ARHGEF28: variants seen among roughly 807,000 people sequenced by gnomAD.
The protein encoded by ARHGEF28 is Rho guanine nucleotide exchange factor 28.
ARHGEF28 carries 152 observed loss-of-function variants against 206.6 expected under a neutral mutation model. The ratio of observed to expected loss-of-function variants is 0.74; its 90% CI spans 0.64 to 0.84. The LOEUF (loss-of-function observed/expected upper bound fraction) is 0.84. ARHGEF28 is among the 40% of genes least tolerant of loss of function. The pLI is 0.00. For missense variants in ARHGEF28, 2,028 were observed against 2,073.2 expected (o/e 0.98, Z 0.42); for synonymous variants, 763 against 776.4 (o/e 0.98, Z 0.29).
At chr5:73,927,713 G>A (rs764526959) in intron 35 of ARHGEF28, among the ~76,000 whole-genome samples, 1 of 152,062 alleles carries the variant, frequency 6.6e-6, no homozygotes, top group Non-Finnish European at 1.5e-5. Context: ...TTTTTCTTCT[G>A]TTTTACAAAC....
intron 9 of ARHGEF28, chr5:73,803,163 A>C (rs749086193): frequency 2.6e-5 from 4 of 153,504 alleles, no homozygotes; most frequent in Non-Finnish European, 2.9e-5. Flanking sequence ...AACATCACCA[A>C]ATAATTGATT....
intron 2 of ARHGEF28, among the ~76,000 whole-genome samples, chr5:73,697,543 G>T (rs1434582401): frequency 6.6e-6 from 1 of 152,132 alleles, no homozygotes; most frequent in Non-Finnish European, 1.5e-5. Context: ...CACCTGAGGG[G>T]CTGAGTGTGC....
At chr5:73,866,308 C>T (rs1013275221) in intron 18 of ARHGEF28, among the ~76,000 whole-genome samples, 1 of 152,312 alleles carries the variant, frequency 6.6e-6, no homozygotes, top group African/African-American at 2.4e-5. Context: ...GTGGAATATG[C>T]TCTGCTGATG....
chr5:73,894,268 T>A, intron 28 of ARHGEF28, 125 bp from the exon 29 acceptor site: 1 of 959,432 alleles, frequency 1.0e-6, no homozygotes, highest in Non-Finnish European at 1.5e-6. Flanking sequence ...GCCCCACTCA[T>A]CAACCTGGGT....
intron 2 of ARHGEF28, among the ~76,000 whole-genome samples, chr5:73,689,214 C>T (rs1747664423): frequency 6.6e-6 from 1 of 152,130 alleles, no homozygotes. Flanking sequence ...GGCTCTGTCT[C>T]TTGTGCTGTA....
At chr5:73,725,247 T>A (rs1197179334) in intron 2 of ARHGEF28, among the ~76,000 whole-genome samples, 1 of 152,338 alleles carries the variant, frequency 6.6e-6, no homozygotes, top group South Asian at 2.1e-4. Context: ...CATGGCAGAC[T>A]GATAGAGGAG....
intron 1 of ARHGEF28, among the ~76,000 whole-genome samples, chr5:73,643,604 C>A (rs1383843095): frequency 6.6e-6 from 1 of 152,104 alleles, no homozygotes; most frequent in Non-Finnish European, 1.5e-5. Flanking sequence ...CGCTTGAACA[C>A]AGGAGTTCGA....
intron 35 of ARHGEF28, among the ~76,000 whole-genome samples, chr5:73,933,552 T>C (rs552434299): frequency 1.3e-5 from 2 of 152,344 alleles, no homozygotes; most frequent in East Asian, 3.9e-4. Context: ...AGCTAGACTG[T>C]TGGAATAACA....
intron 9 of ARHGEF28, among the ~76,000 whole-genome samples, chr5:73,831,560 G>C (rs750689714): frequency 6.6e-6 from 1 of 152,210 alleles, no homozygotes; most frequent in Admixed American, 6.5e-5. Context: ...TACTCTCTTG[G>C]GTCCTTTGAT....
At chr5:73,933,639 A>C (rs1160237594) in intron 35 of ARHGEF28, among the ~76,000 whole-genome samples, 2 of 152,246 alleles carry the variant, frequency 1.3e-5, no homozygotes, top group African/African-American at 4.8e-5. Flanking sequence ...TTTCAAACCT[A>C]TTCAAAAGTA....
At chr5:73,858,018 A>C in intron 15 of ARHGEF28, 69 bp from the exon 16 acceptor site, 1 of 1,537,864 alleles carries the variant, frequency 6.5e-7, no homozygotes, top group Non-Finnish European at 8.7e-7. Flanking sequence ...TTCTATAAGA[A>C]AGTTGGCTCA....
At chr5:73,815,346 TA>T (rs929072949) in intron 9 of ARHGEF28, among the ~76,000 whole-genome samples, 22 of 151,852 alleles carry the variant, frequency 1.4e-4, no homozygotes, top group African/African-American at 5.3e-4. Flanking sequence ...TCAGCTTTTT[TA>T]AAAAAAATAG....
chr5:73,785,164 T>A (rs919521453), intron 7 of ARHGEF28, among the ~76,000 whole-genome samples: 7 of 152,216 alleles, frequency 4.6e-5, no homozygotes, highest in African/African-American at 1.7e-4. Flanking sequence ...GAACATGAAA[T>A]CCCTGATGGC....
chr5:73,868,898 C>T (rs932481082), intron 20 of ARHGEF28, among the ~76,000 whole-genome samples: 4 of 152,178 alleles, frequency 2.6e-5, no homozygotes, highest in African/African-American at 4.8e-5. Context: ...CCAACTGCCT[C>T]GGCCTCCCAA....
chr5:73,877,356 T>A (rs1336581030), intron 22 of ARHGEF28, among the ~76,000 whole-genome samples: 29 of 150,076 alleles, frequency 1.9e-4, no homozygotes, highest in African/African-American at 6.1e-4. Context: ...ATTTTGTTGA[T>A]CCTTTCAAAA....
rs75510403 is a variant in ARHGEF28, at chr5:73,794,221, G to C, written c.911-181G>C. 2,310 of 520,500 alleles carry C rather than the reference G, an allele frequency of 4.4e-3. 35 individuals are homozygous for C. The highest frequency in any genetic ancestry group is 0.039 in the African/African-American group (1,927 of 50,014). The allele number at this position is 520,500 out of a possible 1,614,324, so 32.2% of individuals were successfully genotyped here. A position where few individuals can be genotyped will look rare whatever the true frequency, so the allele number is the denominator to read the frequency against. Reference sequence around the variant, plus strand: ...GTCCACACAGATAATACCAGAGTATGGACAGTCGGGTTATTAGACACTCTG... The same window carrying C: ...GTCCACACAGATAATACCAGAGTATCGACAGTCGGGTTATTAGACACTCTG... On this transcript the variant is annotated intron_variant, in intron 7 of 35. Coordinates refer to ENST00000513042, the MANE Select transcript of ARHGEF28 (RefSeq NM_001177693.2).
At chr5:73,834,503 G>A (rs1223359997) in intron 10 of ARHGEF28, among the ~76,000 whole-genome samples, 1 of 151,466 alleles carries the variant, frequency 6.6e-6, no homozygotes, top group African/African-American at 2.4e-5. Flanking sequence ...TGTCACAAAT[G>A]GCAGGATTTT....
intron 35 of ARHGEF28, among the ~76,000 whole-genome samples, chr5:73,929,408 C>G (rs994347053): frequency 5.3e-5 from 8 of 152,058 alleles, no homozygotes; most frequent in Admixed American, 4.6e-4. Context: ...ATTATCACAC[C>G]TAAGAAAAAG....
At chr5:73,762,549 C>G (rs996588357) in intron 4 of ARHGEF28, among the ~76,000 whole-genome samples, 1 of 151,904 alleles carries the variant, frequency 6.6e-6, no homozygotes, top group African/African-American at 2.4e-5. Context: ...TCCCATCTTC[C>G]CATCTGCAGT....
Sources: gnomAD v4.1 joint callset for allele counts (sites outside exome capture counted in the v4.1 genomes callset) on GRCh38, gnomAD v4.1.1 for gene constraint, MANE v1.5 for transcripts, NCBI Gene and HGNC (gene_info 2026-07-23, HGNC 2026-07-21) for gene names.